The following TTLL7 variants were observed in gnomAD, a reference collection of about 807,000 sequenced individuals.
TTLL7 encodes tubulin tyrosine ligase like 7, also known as tubulin polyglutamylase TTLL7.
Under a neutral mutation model 120.2 loss-of-function variants are expected in TTLL7, and 53 were observed. The observed-to-expected ratio is 0.44, with a 90% CI of 0.35 to 0.55. The LOEUF is 0.55. TTLL7 is among the 20% of genes least tolerant of loss of function. The pLI is 0.00. For missense variants in TTLL7, 803 were observed against 1,054.7 expected, an observed-to-expected ratio of 0.76 and a Z score of 3.31; for synonymous variants, 353 against 351.7, an observed-to-expected ratio of 1.00 and a Z score of -0.04.
chr1:83,917,944 T>C (rs977986013), intron 13 of TTLL7, among the ~76,000 whole-genome samples: 2 of 152,196 alleles, frequency 1.3e-5, no homozygotes, highest in Non-Finnish European at 1.5e-5. Flanking sequence ...ATCTTTATAG[T>C]ACAGTATAGT....
At chr1:83,996,484 A>G (rs1298706163) in intron 1 of TTLL7, among the ~76,000 whole-genome samples, 1 of 152,228 alleles carries the variant, frequency 6.6e-6, no homozygotes, top group Non-Finnish European at 1.5e-5. Flanking sequence ...GAATCCTTCC[A>G]GTCTCTGAGA....
At chr1:83,931,774 G>T (rs1229212283) in intron 9 of TTLL7, among the ~76,000 whole-genome samples, 1 of 152,060 alleles carries the variant, frequency 6.6e-6, no homozygotes, top group East Asian at 1.9e-4. Flanking sequence ...GTGCAATTCT[G>T]CCACTAGCAA....
intron 13 of TTLL7, among the ~76,000 whole-genome samples, chr1:83,918,876 G>C (rs986310905): frequency 1.3e-5 from 2 of 152,090 alleles, no homozygotes; most frequent in Non-Finnish European, 2.9e-5. Context: ...TGTAGGCAGA[G>C]ATCAAGTCTA....
intron 20 of TTLL7, among the ~76,000 whole-genome samples, chr1:83,871,220 C>T (rs1391726341): frequency 3.9e-5 from 6 of 152,046 alleles, no homozygotes; most frequent in South Asian, 2.1e-4. Context: ...CGGGTTTCAC[C>T]GTGTTAGCCA....
chr1:83,921,115 G>A lies in TTLL7; in HGVS notation c.1336C>T (p.His446Tyr). The A allele has an allele frequency of 1.2e-6, 2 of 1,612,946 alleles. No individual in the cohort carries two copies. The highest frequency in any genetic ancestry group is 1.1e-5 in the South Asian group (1 of 90,814). Residue 446 changes from histidine to tyrosine, a missense_variant, in exon 12 of 21, where the codon CAT becomes TAT. By Grantham distance (83) the His-to-Tyr change is moderately conservative. Coordinates refer to ENST00000260505, the MANE Select transcript of TTLL7 (RefSeq NM_024686.6). ...QVRKQISREE[H>Y]ENRHMGNYRR... Reference sequence around the variant, plus strand: ...TAATTCCCCATATGTCGATTTTCATGTTCTTCTCGTGAGATCTGCTTTCGT... The same window carrying A: ...TAATTCCCCATATGTCGATTTTCATATTCTTCTCGTGAGATCTGCTTTCGT...
chr1:83,988,102 T>C (rs1001155674), intron 1 of TTLL7, among the ~76,000 whole-genome samples: 4 of 152,182 alleles, frequency 2.6e-5, no homozygotes, highest in African/African-American at 9.7e-5. Flanking sequence ...GTACCCAATG[T>C]TTAGCTGCCA....
In TTLL7 at chr1:83,911,156, T is replaced by A; in HGVS notation, c.1786+9A>T. On this transcript the variant is annotated intron_variant, in intron 15 of 20. Coordinates refer to ENST00000260505, the MANE Select transcript of TTLL7 (RefSeq NM_024686.6). ...TATATAACATCTAAATTAGAAGAAA[T>A]TGACTTACTGGGTTGTTGAATTAAT... is the stretch of plus-strand genomic sequence containing the variant. 2 of 1,595,390 alleles carry A rather than the reference T, an allele frequency of 1.3e-6. No individual in the cohort carries two copies. Among genetic ancestry groups the A allele is most frequent in the Non-Finnish European group, 1.7e-6 (2 of 1,165,802 alleles).
chr1:83,903,508 A>G (rs553879860), intron 18 of TTLL7, among the ~76,000 whole-genome samples: 1 of 152,096 alleles, frequency 6.6e-6, no homozygotes, highest in Admixed American at 6.6e-5. Flanking sequence ...CCAGATAGCA[A>G]AATCCATGGA....
In TTLL7 at chr1:83,907,497, G is replaced by A; in HGVS notation, c.1951C>T (p.Leu651=). 1.2e-6 allele frequency: 2 copies of A among 1,613,068 alleles called. No individual in the cohort carries two copies. The highest frequency in any genetic ancestry group is 4.5e-5 in the East Asian group (2 of 44,854). ...GAGCAGGCATCATTACTGTGAGGCA[G>A]ATGCCTCATGTAGGAGGAAGCACGG... ...LNRASSYMRH[L]PHSNDACSTN... is the part of the protein sequence containing the mutation. Residue 651 remains leucine, a synonymous_variant, in exon 16 of 21, where the codon CTG becomes TTG. Transcript: ENST00000260505.
intron 18 of TTLL7, among the ~76,000 whole-genome samples, chr1:83,892,609 T>TGAACATATATATGAACATATGA (rs1557566139): frequency 1.9e-4 from 23 of 120,830 alleles, no homozygotes; most frequent in Admixed American, 2.4e-4. Context: ...TGAACATATA[T>TGAACATATATATGAACATATGA]ATGAACATAT....
intron 19 of TTLL7, among the ~76,000 whole-genome samples, chr1:83,885,707 A>G (rs554165816): frequency 6.6e-6 from 1 of 152,158 alleles, no homozygotes; most frequent in East Asian, 1.9e-4. Flanking sequence ...CCTCTACACA[A>G]AGGAAAACTG....
intron 1 of TTLL7, among the ~76,000 whole-genome samples, chr1:83,957,222 G>A (rs577466819): frequency 1.3e-5 from 2 of 152,128 alleles, no homozygotes; most frequent in East Asian, 1.9e-4. Flanking sequence ...AAAAGATGAA[G>A]ACAAACTTCT....
intron 1 of TTLL7, among the ~76,000 whole-genome samples, chr1:83,971,459 T>C (rs1650976360): frequency 6.6e-6 from 1 of 152,142 alleles, no homozygotes; most frequent in South Asian, 2.1e-4. Context: ...ATTGTTCATC[T>C]GTTGTACTTG....
chr1:83,954,931 G>T (rs1649381011), intron 1 of TTLL7, among the ~76,000 whole-genome samples: 1 of 147,868 alleles, frequency 6.8e-6, no homozygotes, highest in Non-Finnish European at 1.5e-5. Context: ...TAAAGAAACA[G>T]AATTTATTTA....
At chr1:83,899,604 TA>T (rs1656543257) in intron 18 of TTLL7, among the ~76,000 whole-genome samples, 1 of 151,996 alleles carries the variant, frequency 6.6e-6, no homozygotes, top group South Asian at 2.1e-4. Flanking sequence ...AGAATGACAG[TA>T]AACGTTTGGG....
chr1:83,983,609 A>T (rs1000993812), intron 1 of TTLL7, among the ~76,000 whole-genome samples: 4 of 152,192 alleles, frequency 2.6e-5, no homozygotes, highest in Non-Finnish European at 5.9e-5. Flanking sequence ...AATAACAAAA[A>T]TTGACAAGTG....
chr1:83,889,213 G>T (rs1655234681), intron 19 of TTLL7, among the ~76,000 whole-genome samples: 1 of 151,940 alleles, frequency 6.6e-6, no homozygotes, highest in Middle Eastern at 3.2e-3. Context: ...AGGGGGAAAA[G>T]CCCCTTATAA....
rs776807124 is a variant in TTLL7, at chr1:83,890,359, A to T, written c.2331T>A (p.Ser777Arg). Residue 777 changes from serine to arginine, a missense_variant, in exon 19 of 21, where the codon AGT becomes AGA. By Grantham distance (110) the Ser-to-Arg change is moderately radical. Coordinates refer to ENST00000260505, the MANE Select transcript of TTLL7 (RefSeq NM_024686.6). ...AACAGTTCCACAGCCCTTGGCCACG[A>T]CTCCAGAGTAAGCGATTAAAAACCC... ...FNRVFNRLLWSRGQGLWNCFC... is the reference protein window; with the variant it reads ...FNRVFNRLLWRRGQGLWNCFC... 5 of 1,613,262 alleles carry T rather than the reference A, an allele frequency of 3.1e-6. No homozygotes were observed. In the East Asian group the frequency reaches 8.9e-5, roughly 29 times the overall value.
chr1:83,995,400 G>T (rs373725521), intron 1 of TTLL7, among the ~76,000 whole-genome samples: 1 of 151,214 alleles, frequency 6.6e-6, no homozygotes, highest in Non-Finnish European at 1.5e-5. Context: ...GTAAGTGAGC[G>T]CTCACTCTGA....
Sources: gnomAD v4.1 joint callset for allele counts (sites outside exome capture counted in the v4.1 genomes callset) on GRCh38, gnomAD v4.1.1 for gene constraint, MANE v1.5 for transcripts, NCBI Gene and HGNC (gene_info 2026-07-23, HGNC 2026-07-21) for gene names.